Variants in RAPGEF5 observed in about 807,000 individuals in gnomAD.
RAPGEF5 encodes the protein M-Ras-regulated GEF.
A neutral mutation model predicts 125.2 loss-of-function variants in RAPGEF5; 65 were observed. That is an observed-to-expected ratio of 0.52 (90% confidence interval 0.43 to 0.64). The LOEUF (loss-of-function observed/expected upper bound fraction) is 0.64. Ranked by LOEUF, RAPGEF5 falls within the 30% of genes least tolerant of loss-of-function variation. The probability of loss-of-function intolerance (pLI) is 0.00; values close to 1 mark genes in which losing one functional copy is unlikely to be tolerated. For synonymous variants in RAPGEF5, 391 were observed against 385.9 expected, an observed-to-expected ratio of 1.01 and a Z score of -0.16; for missense variants, 958 against 1,048.1, an observed-to-expected ratio of 0.91 and a Z score of 1.19.
rs1023185930 is a variant in RAPGEF5 at position 22,310,188 on chromosome 7, C to T, written c.390-98G>A. ...TAATACCTTTCCTTTCATGTGCTTG[C>T]TTTTTTTAGACAAGCAACCCAAGAA... On this transcript the variant is annotated intron_variant, in intron 3 of 25. Transcript: ENST00000665637. 3.9e-6 allele frequency: 5 copies of T among 1,268,024 alleles called. No homozygotes were observed. In the African/African-American group the frequency reaches 7.8e-5, roughly 20 times the overall value. 78.5% of individuals were successfully genotyped at this position (1,268,024 alleles called of 1,614,324 possible). A position where few individuals can be genotyped will look rare whatever the true frequency, so the allele number is the denominator to read the frequency against.
chr7:22,298,791 G>A (rs1475257229), intron 5 of RAPGEF5: 1 of 152,136 alleles, frequency 6.6e-6, no homozygotes, highest in African/African-American at 2.4e-5. Context: ...AATTACTTTA[G>A]TATACATAAT....
At chr7:22,349,733 A>G (rs1046806077) in intron 1 of RAPGEF5, among the ~76,000 whole-genome samples, 3 of 152,180 alleles carry the variant, frequency 2.0e-5, no homozygotes, top group African/African-American at 7.2e-5. Flanking sequence ...TCAATATACC[A>G]TATGTTGTTA....
intron 1 of RAPGEF5, among the ~76,000 whole-genome samples, chr7:22,355,387 T>C (rs900617708): frequency 2.0e-5 from 3 of 152,188 alleles, no homozygotes; most frequent in African/African-American, 7.2e-5. Flanking sequence ...ATGTCTTCAG[T>C]ATTCTGTGCC....
chr7:22,322,578 C>T lies in RAPGEF5; in HGVS notation c.232-4541G>A, dbSNP rs907160244. Among the ~76,000 whole-genome samples the T allele has an allele frequency of 7.9e-5, 12 of 152,304 alleles. No homozygotes were observed. The East Asian group carries it at 2.1e-3, about 27-fold the overall frequency. On this transcript the variant is annotated intron_variant, in intron 1 of 25. Transcript: ENST00000665637. ...GTTAAGAAATCTGCCCGTTTGCAAC[C>T]TAGCTGCAGTTATTGTCCCATACAT...
intron 1 of RAPGEF5, chr7:22,355,893 C>G (rs1482550843): frequency 1.1e-6 from 1 of 928,890 alleles, no homozygotes; most frequent in Non-Finnish European, 1.3e-6. Context: ...AAATTACAGC[C>G]AAACGGGAAA....
At chr7:22,222,810 G>C (rs960956226) in intron 8 of RAPGEF5, among the ~76,000 whole-genome samples, 5 of 152,216 alleles carry the variant, frequency 3.3e-5, no homozygotes, top group African/African-American at 1.2e-4. Flanking sequence ...GACCAGTTAG[G>C]AGCCTGGTTT....
At chr7:22,318,770 C>A (rs1285538835) in intron 1 of RAPGEF5, among the ~76,000 whole-genome samples, 1 of 152,188 alleles carries the variant, frequency 6.6e-6, no homozygotes. Context: ...TCGGCTCCTG[C>A]ATGAAGTTCC....
chr7:22,258,414 A>C (rs1026200917), intron 7 of RAPGEF5, among the ~76,000 whole-genome samples: 1 of 152,130 alleles, frequency 6.6e-6, no homozygotes. Flanking sequence ...TGAGGTTGGG[A>C]GTTCGAGACC....
chr7:22,254,171 T>G (rs943237893), intron 7 of RAPGEF5, among the ~76,000 whole-genome samples: 1 of 152,158 alleles, frequency 6.6e-6, no homozygotes, highest in African/African-American at 2.4e-5. Flanking sequence ...CCTGCTAACA[T>G]GTGACTGCTC....
At chr7:22,356,255 C>G in intron 1 of RAPGEF5, 1 of 985,190 alleles carries the variant, frequency 1.0e-6, no homozygotes, top group Non-Finnish European at 1.2e-6. Flanking sequence ...CACCCTCCTG[C>G]TCAAGAGGGT....
intron 1 of RAPGEF5, among the ~76,000 whole-genome samples, chr7:22,352,086 G>C (rs765419148): frequency 5.3e-5 from 8 of 152,178 alleles, no homozygotes; most frequent in Non-Finnish European, 7.4e-5. Context: ...TCTTTGGTGA[G>C]CAATTTGGCA....
chr7:22,333,244 G>A (rs1055313712), intron 1 of RAPGEF5, among the ~76,000 whole-genome samples: 2 of 152,158 alleles, frequency 1.3e-5, no homozygotes, highest in Admixed American at 1.3e-4. Context: ...AGGTTGAACT[G>A]CATGACTATA....
At chr7:22,314,056 A>G (rs558113542) in intron 3 of RAPGEF5, among the ~76,000 whole-genome samples, 29 of 152,350 alleles carry the variant, frequency 1.9e-4, no homozygotes, top group African/African-American at 6.7e-4. Flanking sequence ...TGTCTAGCCT[A>G]TGGCATATTT....
At chr7:22,224,338 G>T (rs186574492) in intron 8 of RAPGEF5, among the ~76,000 whole-genome samples, 127 of 152,280 alleles carry the variant, frequency 8.3e-4, no homozygotes, top group Middle Eastern at 3.4e-3. Context: ...AACTATGAAG[G>T]CAGGGAAACT....
intron 7 of RAPGEF5, among the ~76,000 whole-genome samples, chr7:22,246,010 T>A (rs1786466730): frequency 6.6e-6 from 1 of 151,862 alleles, no homozygotes; most frequent in South Asian, 2.1e-4. Context: ...TACCTAGGAA[T>A]ACATCTAACT....
At chr7:22,233,592 G>A (rs1212585464) in intron 7 of RAPGEF5, among the ~76,000 whole-genome samples, 2 of 152,082 alleles carry the variant, frequency 1.3e-5, no homozygotes, top group African/African-American at 4.8e-5. Context: ...GAGTACAGTT[G>A]CACGATCATG....
chr7:22,167,881 T>C (rs1052005576), intron 11 of RAPGEF5, among the ~76,000 whole-genome samples: 5 of 152,242 alleles, frequency 3.3e-5, no homozygotes, highest in Admixed American at 1.3e-4. Flanking sequence ...ATGGAATTGC[T>C]AAAGAGGCAA....
chr7:22,138,324 C>T (rs567681575), intron 21 of RAPGEF5, among the ~76,000 whole-genome samples: 1 of 152,216 alleles, frequency 6.6e-6, no homozygotes. Context: ...CGTACTACAG[C>T]TGCTCTTTCA....
intron 7 of RAPGEF5, among the ~76,000 whole-genome samples, chr7:22,258,009 A>G (rs986814054): frequency 6.6e-6 from 1 of 152,246 alleles, no homozygotes; most frequent in African/African-American, 2.4e-5. Context: ...CAAAACAGTC[A>G]TCATTGACAG....
Sources: gnomAD v4.1 joint callset for allele counts (sites outside exome capture counted in the v4.1 genomes callset) on GRCh38, gnomAD v4.1.1 for gene constraint, MANE v1.5 for transcripts, NCBI Gene and HGNC (gene_info 2026-07-23, HGNC 2026-07-21) for gene names.